The following TENM1 variants were observed in gnomAD, a reference collection of about 807,000 sequenced individuals.
The protein encoded by TENM1 is teneurin-1.
A neutral mutation model predicts 174.8 loss-of-function variants in TENM1; 35 were observed. The observed-to-expected ratio is 0.20, with a 90% CI of 0.15 to 0.27. The LOEUF (loss-of-function observed/expected upper bound fraction) is 0.27, where lower values mean the gene tolerates loss of function less well. Among genes scored for constraint, TENM1 ranks in the 10% least tolerant of loss-of-function variants. TENM1 has a pLI of 1.00. For synonymous variants in TENM1, 781 were observed against 798.7 expected (o/e 0.98, Z 0.37); for missense variants, 1,633 against 2,130.1 (o/e 0.77, Z 4.59).
At chrX:124,546,088 C>T (rs1256130332) in intron 15 of TENM1, among the ~76,000 whole-genome samples, 1 of 111,514 alleles carries the variant, frequency 9.0e-6, no homozygotes, top group African/African-American at 3.3e-5. Context: ...ATAACTCCCA[C>T]CAGGCTGCAA....
chrX:124,478,707 T>C (rs1321909209), intron 22 of TENM1, among the ~76,000 whole-genome samples: 1 of 112,055 alleles, frequency 8.9e-6, no homozygotes, highest in Non-Finnish European at 1.9e-5. Context: ...AGCTTTTCTT[T>C]ATTAGCTTCT....
At chrX:124,804,963 T>C (rs1004868148) in intron 3 of TENM1, among the ~76,000 whole-genome samples, 3 of 112,034 alleles carry the variant, frequency 2.7e-5, no homozygotes, top group African/African-American at 9.7e-5. Context: ...TTGGTTTTTG[T>C]GACCTAGGGA....
intron 3 of TENM1, among the ~76,000 whole-genome samples, chrX:124,749,528 C>A (rs2054012743): frequency 8.9e-6 from 1 of 112,116 alleles, no homozygotes. Context: ...AAGCTGCAAG[C>A]AAAACTGGCT....
At position 124,760,648 on chromosome X, in the gene TENM1, G is replaced by T. The variant is rs1244107744; in HGVS notation, c.536-23451C>A. Reference sequence around the variant, plus strand: ...ACATAGGCATGGGCAAGGACTTCATGACTAAAACACAAAAAGCAATGGCAA... The same window carrying T: ...ACATAGGCATGGGCAAGGACTTCATTACTAAAACACAAAAAGCAATGGCAA... On this transcript the variant is annotated intron_variant, in intron 3 of 31. Transcript: ENST00000422452. Among the ~76,000 whole-genome samples, 3 of 111,951 alleles carry T rather than the reference G, an allele frequency of 2.7e-5. No individual in the cohort carries two copies. The East Asian group carries it at 8.4e-4, about 31-fold the overall frequency.
the TENM1 span, among the ~76,000 whole-genome samples, chrX:124,971,551 T>C: frequency 8.9e-6 from 1 of 112,042 alleles, no homozygotes. Flanking sequence ...TCCCTCACCA[T>C]TTACAAGTAT....
the TENM1 span, among the ~76,000 whole-genome samples, chrX:125,163,496 A>G: frequency 9.0e-6 from 1 of 111,147 alleles, no homozygotes; most frequent in East Asian, 2.8e-4. Flanking sequence ...CTTCAGGTAA[A>G]GTAAGTTTGA....
At chrX:124,462,374 G>A (rs895392837) in intron 22 of TENM1, among the ~76,000 whole-genome samples, 15 of 91,838 alleles carry the variant, frequency 1.6e-4, no homozygotes, top group African/African-American at 5.9e-4. Flanking sequence ...AAATTGTGAT[G>A]TAAGAATGAA....
At chrX:125,014,633 T>G in the TENM1 span, among the ~76,000 whole-genome samples, 1 of 111,745 alleles carries the variant, frequency 8.9e-6, no homozygotes, top group African/African-American at 3.2e-5. Flanking sequence ...TTTAAGTAAT[T>G]GAAAAATTAG....
At position 124,631,639 on chromosome X, in the gene TENM1, C is replaced by A. The variant is rs771288823; in HGVS notation, c.2077+10152G>T. ...ATCTGGCTGGATGCAGTGGCTCGTG[C>A]CTGTAATCCCAGCACTTTGGGAGGC... On this transcript the variant is annotated intron_variant, in intron 11 of 31. Transcript: ENST00000422452. Among the ~76,000 whole-genome samples the A allele has an allele frequency of 4.5e-5, 5 of 110,680 alleles. No individual in the cohort carries two copies. In the East Asian group the frequency reaches 1.4e-3, roughly 32 times the overall value.
Position 124,382,545 on chromosome X carries a change from C to A in TENM1, c.7440+125G>T, listed in dbSNP as rs2060171034. ...TTTTTATACCTTCTCATTAATTGTG[C>A]ACGTTTTAGTGAATATTCAAGAAGA... On this transcript the variant is annotated intron_variant, in intron 31 of 31. Coordinates refer to ENST00000422452, the Ensembl canonical transcript of TENM1. 4.8e-6 allele frequency: 3 copies of A among 625,376 alleles called. No homozygotes were observed. In the South Asian group the frequency reaches 9.8e-5, roughly 20 times the overall value. 51.5% of individuals were successfully genotyped at this position (625,376 alleles called of 1,213,427 possible).
At chrX:124,582,027 G>T (rs1048953435) in intron 11 of TENM1, among the ~76,000 whole-genome samples, 3 of 111,426 alleles carry the variant, frequency 2.7e-5, no homozygotes, top group Non-Finnish European at 5.7e-5. Context: ...TATTTTTCCT[G>T]ATGATCTCCC....
chrX:125,086,487 T>C, the TENM1 span, among the ~76,000 whole-genome samples: 1 of 111,293 alleles, frequency 9.0e-6, no homozygotes, highest in Admixed American at 9.6e-5. Context: ...CAAATTCTAC[T>C]TTATGTTTCT....
the TENM1 span, among the ~76,000 whole-genome samples, chrX:124,995,866 T>C: frequency 9.0e-6 from 1 of 111,299 alleles, no homozygotes. Flanking sequence ...TTCTGAATTT[T>C]ATTTTTCTTT....
At chrX:124,638,866 T>C (rs1186440090) in intron 11 of TENM1, among the ~76,000 whole-genome samples, 1 of 111,363 alleles carries the variant, frequency 9.0e-6, no homozygotes, top group Non-Finnish European at 1.9e-5. Context: ...TACTTTTGCC[T>C]AGTCATCCAA....
At chrX:124,752,661 A>G (rs2054108601) in intron 3 of TENM1, among the ~76,000 whole-genome samples, 1 of 111,687 alleles carries the variant, frequency 9.0e-6, no homozygotes, top group African/African-American at 3.3e-5. Flanking sequence ...CCTTGAATTA[A>G]TTTTTGTATA....
At chrX:124,828,364 G>A (rs887688808) in intron 3 of TENM1, among the ~76,000 whole-genome samples, 1 of 111,731 alleles carries the variant, frequency 9.0e-6, no homozygotes, top group Non-Finnish European at 1.9e-5. Context: ...AGCAGTGCCC[G>A]CTCTATGCTA....
At chrX:124,809,843 GGA>G (rs4027522) in intron 3 of TENM1, among the ~76,000 whole-genome samples, 904 of 78,625 alleles carry the variant, frequency 0.011, 6 homozygotes, top group African/African-American at 0.027. Context: ...CATGACAGCA[GGA>G]GAGAGAGAGA....
chrX:124,846,532 C>G (rs1024286040), intron 3 of TENM1, among the ~76,000 whole-genome samples: 2 of 111,280 alleles, frequency 1.8e-5, no homozygotes, highest in African/African-American at 6.5e-5. Flanking sequence ...TTTTCAATCA[C>G]AGTTATCAGT....
chrX:124,980,908 T>C, the TENM1 span, among the ~76,000 whole-genome samples: 3 of 112,270 alleles, frequency 2.7e-5, no homozygotes, highest in African/African-American at 9.7e-5. Context: ...TGAAGATGTA[T>C]TGTTTTTTAT....
Sources: gnomAD v4.1 joint callset for allele counts (sites outside exome capture counted in the v4.1 genomes callset) on GRCh38, gnomAD v4.1.1 for gene constraint, MANE v1.5 for transcripts, NCBI Gene and HGNC (gene_info 2026-07-23, HGNC 2026-07-21) for gene names.